The following EDA variants were observed in gnomAD, a reference collection of about 807,000 sequenced individuals.
The protein encoded by EDA is ectodysplasin A, also known as ectodysplasin-A.
A neutral mutation model predicts 23.6 loss-of-function variants in EDA; 2 were observed. The ratio of observed to expected loss-of-function variants is 0.08; its 90% CI spans 0.03 to 0.27. The LOEUF (loss-of-function observed/expected upper bound fraction) is 0.27. Ranked by LOEUF, EDA falls within the 10% of genes least tolerant of loss-of-function variation. The pLI is 1.00. For missense variants in EDA, 229 were observed against 324.2 expected (o/e 0.71, Z 2.26); for synonymous variants, 131 against 132.0 (o/e 0.99, Z 0.05).
chrX:70,029,672 T>A, intron 5 of EDA, 134 bp downstream of exon 5: 2 of 674,354 alleles, frequency 3.0e-6, no homozygotes, highest in Non-Finnish European at 4.7e-6. Context: ...CGGTTTTCAC[T>A]CACAGCCCCC....
chrX:69,776,216 C>A (rs999485598), intron 1 of EDA, among the ~76,000 whole-genome samples: 4 of 111,788 alleles, frequency 3.6e-5, no homozygotes, highest in Non-Finnish European at 5.6e-5. Context: ...TGATGCCAGG[C>A]AAGCATTAGG....
At chrX:69,980,203 C>T (rs1002516487) in intron 2 of EDA, among the ~76,000 whole-genome samples, 3 of 111,355 alleles carry the variant, frequency 2.7e-5, no homozygotes, top group African/African-American at 6.5e-5. Flanking sequence ...ATCTGGGTGA[C>T]AAGGAGTCAA....
At chrX:69,761,595 G>A (rs913141485) in intron 1 of EDA, among the ~76,000 whole-genome samples, 2 of 111,619 alleles carry the variant, frequency 1.8e-5, no homozygotes, top group Non-Finnish European at 3.8e-5. Flanking sequence ...AATATTATCA[G>A]ATGAAAATAT....
At position 69,616,949 on chromosome X, in the gene EDA, G is replaced by A. The variant is rs770277932; in HGVS notation, c.396+245G>A. 2.0e-5 allele frequency: 9 copies of A among 440,219 alleles called. No individual in the cohort carries two copies. The South Asian group carries it at 3.3e-4, about 16-fold the overall frequency. 36.3% of individuals were successfully genotyped at this position (440,219 alleles called of 1,213,427 possible). A position where few individuals can be genotyped will look rare whatever the true frequency, so the allele number is the denominator to read the frequency against. On this transcript the variant is annotated intron_variant, in intron 1 of 7. Coordinates refer to ENST00000374552, the MANE Select transcript of EDA (RefSeq NM_001399.5). ...GTCTCGCGCGCGCCCGCGGCCCCTG[G>A]CTGCGGGCTGCCTCGAGAAAAGTTG...
chrX:69,678,942 G>T (rs1220466631), intron 1 of EDA, among the ~76,000 whole-genome samples: 6 of 90,779 alleles, frequency 6.6e-5, no homozygotes, highest in South Asian at 1.2e-3. Context: ...CATTCAGTAT[G>T]ATATTGGCTG....
intron 2 of EDA, among the ~76,000 whole-genome samples, chrX:69,999,894 A>T (rs1341928242): frequency 9.0e-6 from 1 of 111,543 alleles, no homozygotes; most frequent in African/African-American, 3.3e-5. Context: ...GTGTGTCATG[A>T]CCAAGTAGGG....
At chrX:70,006,946 A>G (rs1208434848) in intron 2 of EDA, among the ~76,000 whole-genome samples, 3 of 110,722 alleles carry the variant, frequency 2.7e-5, no homozygotes, top group Non-Finnish European at 5.7e-5. Context: ...AATTTTTGTC[A>G]AAGTTGTCTA....
At chrX:70,013,220 G>T (rs1040943522) in intron 2 of EDA, among the ~76,000 whole-genome samples, 4 of 111,516 alleles carry the variant, frequency 3.6e-5, no homozygotes, top group Non-Finnish European at 7.5e-5. Context: ...CAGCTGCAGC[G>T]GTATCGCCCT....
At chrX:69,851,156 T>TG (rs2017117386) in intron 1 of EDA, among the ~76,000 whole-genome samples, 2 of 41,481 alleles carry the variant, frequency 4.8e-5, no homozygotes, top group Non-Finnish European at 4.9e-5. Flanking sequence ...AGATCAAGGG[T>TG]TTGTGTGTGT....
At chrX:69,976,690 A>G (rs1035477133) in intron 2 of EDA, among the ~76,000 whole-genome samples, 2 of 109,683 alleles carry the variant, frequency 1.8e-5, no homozygotes, top group African/African-American at 3.3e-5. Context: ...TTTGGAGAAA[A>G]CAAGGTGGAT....
At chrX:69,620,958 G>A (rs1433960385) in intron 1 of EDA, 1 of 363,661 alleles carries the variant, frequency 2.7e-6, no homozygotes, top group Non-Finnish European at 5.4e-6. Flanking sequence ...TGAGTAAATA[G>A]TTCCACTGGA....
At chrX:69,673,739 T>A (rs1295142140) in intron 1 of EDA, among the ~76,000 whole-genome samples, 1 of 111,584 alleles carries the variant, frequency 9.0e-6, no homozygotes, top group East Asian at 2.8e-4. Context: ...AAGCTTTGCC[T>A]TAGGTGGAGG....
chrX:69,708,078 G>T (rs1569303201), intron 1 of EDA, among the ~76,000 whole-genome samples: 1 of 111,707 alleles, frequency 9.0e-6, no homozygotes, highest in Non-Finnish European at 1.9e-5. Context: ...GGTCACTGGA[G>T]TTCTACTTTG....
rs1262652992 is a variant in EDA, at chrX:69,616,824, G to A, written c.396+120G>A. On this transcript the variant is annotated intron_variant, in intron 1 of 7. Transcript: ENST00000374552. ...GAGCCAATTTAGAGGGCAGGACCAG[G>A]GAGGGACCAGGCGAGCAAGGGAGAA... 6 of 971,498 alleles carry A rather than the reference G, an allele frequency of 6.2e-6. No homozygotes were observed. In the African/African-American group the frequency reaches 9.6e-5, roughly 15 times the overall value. The allele number at this position is 971,498 out of a possible 1,213,427, so 80.1% of individuals were successfully genotyped here.
intron 1 of EDA, among the ~76,000 whole-genome samples, chrX:69,760,340 T>C (rs769234128): frequency 9.0e-6 from 1 of 111,376 alleles, no homozygotes; most frequent in Non-Finnish European, 1.9e-5. Flanking sequence ...AGAGATGTTA[T>C]CAGAAACAGA....
chrX:69,663,073 G>T (rs1303616505), intron 1 of EDA, among the ~76,000 whole-genome samples: 1 of 112,528 alleles, frequency 8.9e-6, no homozygotes, highest in Admixed American at 9.4e-5. Context: ...TGGAAAATTT[G>T]TAGCTGGATG....
chrX:69,988,662 C>A (rs1230074220), intron 2 of EDA, among the ~76,000 whole-genome samples: 1 of 111,295 alleles, frequency 9.0e-6, no homozygotes, highest in African/African-American at 3.3e-5. Flanking sequence ...TCGAGACCAG[C>A]CTGGCCAACA....
rs773235254 is a variant in EDA, at chrX:69,683,902, A to G, written c.396+67198A>G. ...TTATCTGCAGTTGCAGAAAAAATAG[A>G]TTTGTCTTAAATCTTGTTTTAACTA... On this transcript the variant is annotated intron_variant, in intron 1 of 7. Transcript: ENST00000374552. Among the ~76,000 whole-genome samples, 89 of 112,408 alleles carry G rather than the reference A, an allele frequency of 7.9e-4. 1 individual carries two copies. The highest frequency in any genetic ancestry group is 1.0e-3 in the Non-Finnish European group (55 of 53,277).
intron 1 of EDA, among the ~76,000 whole-genome samples, chrX:69,693,710 C>T (rs1240128632): frequency 8.9e-6 from 1 of 111,973 alleles, no homozygotes; most frequent in Non-Finnish European, 1.9e-5. Flanking sequence ...GTATTCATGA[C>T]ACCTTATTCA....
Sources: gnomAD v4.1 joint callset for allele counts (sites outside exome capture counted in the v4.1 genomes callset) on GRCh38, gnomAD v4.1.1 for gene constraint, MANE v1.5 for transcripts, NCBI Gene and HGNC (gene_info 2026-07-23, HGNC 2026-07-21) for gene names.